TMEM132A: variants seen among roughly 807,000 people sequenced by gnomAD.
TMEM132A encodes the protein GRP78-binding protein.
Under a neutral mutation model 69.9 loss-of-function variants are expected in TMEM132A, and 48 were observed. The ratio of observed to expected loss-of-function variants is 0.69; its 90% CI spans 0.55 to 0.87. The LOEUF is 0.87. Ranked by LOEUF, TMEM132A falls within the 40% of genes least tolerant of loss-of-function variation. The pLI, the probability that TMEM132A is intolerant of heterozygous loss-of-function variation, is 0.00. For synonymous variants in TMEM132A, 577 were observed against 613.7 expected, an observed-to-expected ratio of 0.94 and a Z score of 0.88; for missense variants, 1,287 against 1,407.2, an observed-to-expected ratio of 0.91 and a Z score of 1.37.
intron 7 of TMEM132A, chr11:60,932,714 A>G (rs1349638447): frequency 6.6e-6 from 1 of 152,228 alleles, no homozygotes; most frequent in Non-Finnish European, 1.5e-5. Context: ...TCTATCTTGA[A>G]GTTCTAAGAG....
rs766999372 is a variant in TMEM132A, at chr11:60,927,793, C to T, written c.468C>T (p.Ser156=). The T allele has an allele frequency of 1.9e-6, 3 of 1,612,688 alleles. No homozygotes were observed. The highest frequency in any genetic ancestry group is 4.5e-5 in the East Asian group (2 of 44,882). The change falls in exon 3 of 11, where the codon AGC becomes AGT. Residue 156 remains serine, a synonymous_variant. Transcript: ENST00000453848. ...KGQDWPPGSG[S]LPCARLHATH... ...AGGATTGGCCACCAGGGTCTGGCAG[C>T]CTGCCCTGTGCCCGGCTCCATGCCA...
Position 60,927,801 on chromosome 11 carries a change from G to A in TMEM132A, c.476G>A (p.Cys159Tyr), listed in dbSNP as rs754114057. The stretch of plus-strand genomic sequence containing the variant: ...CCACCAGGGTCTGGCAGCCTGCCCT[G>A]TGCCCGGCTCCATGCCACACACCCT... ...DWPPGSGSLPCARLHATHPAG... is the reference protein window; with the variant it reads ...DWPPGSGSLPYARLHATHPAG... The change falls in exon 3 of 11, where the codon TGT becomes TAT. Residue 159 changes from cysteine to tyrosine, a missense_variant. By Grantham distance (194) the Cys-to-Tyr change is radical. Transcript: ENST00000453848. 5.0e-6 allele frequency: 8 copies of A among 1,612,462 alleles called. No individual in the cohort carries two copies. Among genetic ancestry groups the A allele is most frequent in the East Asian group, 2.2e-5 (1 of 44,878 alleles).
Position 60,933,590 on chromosome 11 carries a change from G to C in TMEM132A, c.1405G>C (p.Gly469Arg). ...GTTCGTGGCTGGCAAGGAGAGCCGG[G>C]GCGCCCGGGGGGTGCGAGTGGACTT... ...AVFVAGKESR[G>R]ARGVRVDFWW... is the part of the protein sequence containing the mutation. Residue 469 changes from glycine to arginine, a missense_variant, in exon 8 of 11, where the codon GGC becomes CGC. Coordinates refer to ENST00000453848, the MANE Select transcript of TMEM132A (RefSeq NM_178031.3). 1 of 1,607,522 alleles carries C rather than the reference G, an allele frequency of 6.2e-7. No homozygotes were observed. The highest frequency in any genetic ancestry group is 2.2e-5 in the East Asian group (1 of 44,852).
Position 60,935,251 on chromosome 11 carries a change from G to C in TMEM132A, c.1837-1G>C, listed in dbSNP as rs1157743659. 6.2e-7 allele frequency: 1 copy of C among 1,605,136 alleles called. No individual in the cohort carries two copies. Among genetic ancestry groups the C allele is most frequent in the Non-Finnish European group, 8.5e-7 (1 of 1,176,714 alleles). On this transcript the variant is annotated splice_acceptor_variant, in intron 9 of 10. Coordinates refer to ENST00000453848, the MANE Select transcript of TMEM132A (RefSeq NM_178031.3). LOFTEE classifies it high-confidence loss of function. This position sits in a 1 kb window ranked among gnomAD's most constrained non-coding sequence, Gnocchi z 5.0. ...CACCTCCAGCTCCTTTCCACCCTCA[G>C]GTGCGTTCCCCACTGTCTGACTCCA...
At chr11:60,927,546 C>A in intron 2 of TMEM132A, 95 bp from the exon 3 acceptor site, 2 of 1,421,576 alleles carry the variant, frequency 1.4e-6, no homozygotes, top group South Asian at 1.3e-5. Context: ...AACTGAGGCC[C>A]ATAAAGGTTC....
chr11:60,924,631 A>G lies in TMEM132A; in HGVS notation c.-3A>G. On this transcript the variant is annotated 5_prime_UTR_variant, in exon 1 of 11. Coordinates refer to ENST00000453848, the MANE Select transcript of TMEM132A (RefSeq NM_178031.3). ...CGCCTCGTCCCCGCCTTCTGTGGGA[A>G]GGATGTGCGCGCGGATGGCCGGTCG... 1 of 1,591,354 alleles carries G rather than the reference A, an allele frequency of 6.3e-7. No homozygotes were observed. Among genetic ancestry groups the G allele is most frequent in the African/African-American group, 1.4e-5 (1 of 73,864 alleles).
At chr11:60,934,963 A>C (rs2134910591) in intron 9 of TMEM132A, among the ~76,000 whole-genome samples, 199 bp downstream of exon 9, 1 of 152,226 alleles carries the variant, frequency 6.6e-6, no homozygotes, top group East Asian at 1.9e-4. Flanking sequence ...TCTAGCTATG[A>C]AGGGCTGAGG....
At chr11:60,931,084 G>A (rs1856470780) in intron 5 of TMEM132A, among the ~76,000 whole-genome samples, 2 of 152,332 alleles carry the variant, frequency 1.3e-5, no homozygotes, top group South Asian at 4.1e-4. Context: ...CATGGACTCA[G>A]TAGCCCCAGT....
intron 4 of TMEM132A, 101 bp from the exon 5 acceptor site, chr11:60,930,409 C>A: frequency 7.3e-7 from 1 of 1,368,012 alleles, no homozygotes; most frequent in Non-Finnish European, 9.8e-7. Context: ...CAGACTGGAG[C>A]CAGGGAGGTC....
chr11:60,936,773 C>A lies in TMEM132A; in HGVS notation c.2938C>A (p.Pro980Thr), dbSNP rs368469604. ...CCCTCCAGCCCAGTCACCTGAGGAG[C>A]CTGTAGGGGCCCCTGCTGTGCAGTC... ...PAPPAQSPEE[P>T]VGAPAVQSIL... The change falls in exon 11 of 11, where the codon CCT becomes ACT. Residue 980 changes from proline (P) to threonine (T), a missense_variant. By Grantham distance (38) the Pro-to-Thr change is conservative. Coordinates refer to ENST00000453848, the MANE Select transcript of TMEM132A (RefSeq NM_178031.3). 6 of 1,612,802 alleles carry A rather than the reference C, an allele frequency of 3.7e-6. No homozygotes were observed. Among genetic ancestry groups the A allele is most frequent in the Non-Finnish European group, 5.1e-6 (6 of 1,179,540 alleles).
In TMEM132A at chr11:60,936,509, C is replaced by G; in HGVS notation, c.2674C>G (p.Pro892Ala). 1.2e-6 allele frequency: 2 copies of G among 1,614,016 alleles called. No individual in the cohort carries two copies. The highest frequency in any genetic ancestry group is 1.7e-6 in the Non-Finnish European group (2 of 1,180,012). Residue 892 changes from proline (P) to alanine (A), a missense_variant, in exon 11 of 11, where the codon CCC (proline) becomes GCC (alanine). Coordinates refer to ENST00000453848, the MANE Select transcript of TMEM132A (RefSeq NM_178031.3). ...DSATDPTSPQ[P>A]HNWVWLGTDQ... ...TGCCACTGACCCCACCTCCCCCCAG[C>G]CCCACAACTGGGTCTGGCTGGGCAC...
intron 4 of TMEM132A, among the ~76,000 whole-genome samples, chr11:60,930,164 T>G (rs182314284): frequency 3.3e-5 from 5 of 152,236 alleles, no homozygotes; most frequent in Non-Finnish European, 1.5e-5. Flanking sequence ...GAGTCACGAA[T>G]GGGTGCCGTG....
chr11:60,936,320 G>T lies in TMEM132A; in HGVS notation c.2485G>T (p.Glu829Ter). Residue 829 changes from glutamate (E) to a stop codon, truncating the protein, a stop_gained, in exon 11 of 11, where the codon GAG becomes TAG. Transcript: ENST00000453848. LOFTEE classifies it low-confidence loss of function (END_TRUNC). ...GGAGGAGACCGAAGCCAGGGAGGAGGAGGAGGAAGAGGAGGAGGAGATGGT... is the reference window on the plus strand; with the variant it reads ...GGAGGAGACCGAAGCCAGGGAGGAGTAGGAGGAAGAGGAGGAGGAGATGGT... ...RKEETEAREE[E>*]EEEEEEMVPA... The T allele has an allele frequency of 6.2e-7, 1 of 1,613,726 alleles. No individual in the cohort carries two copies. Among genetic ancestry groups the T allele is most frequent in the African/African-American group, 1.3e-5 (1 of 75,058 alleles).
In TMEM132A at chr11:60,927,931, G is replaced by A. The variant is rs1282126676; in HGVS notation, c.534+72G>A. ...AGCCAGGTGGTGGGCCCGCGGCAGAGAGGAAACCCCCACTCCTGGGAAGCG... is the reference window on the plus strand; with the variant it reads ...AGCCAGGTGGTGGGCCCGCGGCAGAAAGGAAACCCCCACTCCTGGGAAGCG... On this transcript the variant is annotated intron_variant, in intron 3 of 10. Coordinates refer to ENST00000453848, the MANE Select transcript of TMEM132A (RefSeq NM_178031.3). 2.2e-6 allele frequency: 3 copies of A among 1,375,626 alleles called. No homozygotes were observed. In the East Asian group the frequency reaches 7.3e-5, roughly 33 times the overall value. The allele number at this position is 1,375,626 out of a possible 1,614,324, so 85.2% of individuals were successfully genotyped here.
In TMEM132A at chr11:60,926,929, G is replaced by A. The variant is rs189056785; in HGVS notation, c.101-275G>A. 1.0e-3 allele frequency: 545 copies of A among 535,288 alleles called. 1 individual carries two copies. The highest frequency in any genetic ancestry group is 1.4e-3 in the Non-Finnish European group (412 of 295,816). 33.2% of individuals were successfully genotyped at this position (535,288 alleles called of 1,614,324 possible). ...AGGAGACATTGAGAAGGCTGTTGGCGAGAAGAAGGCCAAGGTCTGTGGAAA... is the reference window on the plus strand; with the variant it reads ...AGGAGACATTGAGAAGGCTGTTGGCAAGAAGAAGGCCAAGGTCTGTGGAAA... On this transcript the variant is annotated intron_variant, in intron 1 of 10. Coordinates refer to ENST00000453848, the MANE Select transcript of TMEM132A (RefSeq NM_178031.3).
In TMEM132A at chr11:60,928,784, G is replaced by C; in HGVS notation, c.690G>C (p.Gln230His). 6.2e-7 allele frequency: 1 copy of C among 1,610,232 alleles called. No individual in the cohort carries two copies. The highest frequency in any genetic ancestry group is 8.5e-7 in the Non-Finnish European group (1 of 1,179,076). ...GCGAGGAGAACGACCCTGGGGAGCA[G>C]GCCCTCCCAGTGGGGGGTGTGGAGC... ...GSGEENDPGE[Q>H]ALPVGGVELR... The change falls in exon 4 of 11, where the codon CAG becomes CAC. Residue 230 changes from glutamine (Q) to histidine (H), a missense_variant. Gln to His is a conservative substitution (Grantham distance 24, BLOSUM62 0). Transcript: ENST00000453848.
chr11:60,933,904 A>AT, intron 8 of TMEM132A, 160 bp downstream of exon 8: 1 of 647,706 alleles, frequency 1.5e-6, no homozygotes, highest in Non-Finnish European at 2.6e-6. Flanking sequence ...CCAGCCAATG[A>AT]TCGCTTTCTG....
rs1243738943 is a variant in TMEM132A, at chr11:60,933,738, C to G, written c.1553C>G (p.Ala518Gly). Residue 518 changes from alanine (A) to glycine (G), a missense_variant, in exon 8 of 11, where the codon GCT (alanine) becomes GGT (glycine). Transcript: ENST00000453848. ...QVRGWRVPGP[A>G]EGPAEPAAEA... ...CGCGGCTGGAGGGTACCTGGCCCTG[C>G]TGAAGGGTGAGTGGAGGCCTGAGGA... 2.5e-6 allele frequency: 4 copies of G among 1,573,612 alleles called. No individual in the cohort carries two copies. Among genetic ancestry groups the G allele is most frequent in the Non-Finnish European group, 3.4e-6 (4 of 1,160,918 alleles).
chr11:60,933,872 GCCCACCTCCA>G (rs1856534238), intron 8 of TMEM132A, 128 bp downstream of exon 8: 1 of 859,636 alleles, frequency 1.2e-6, no homozygotes, highest in East Asian at 2.7e-5. Flanking sequence ...AGTTCCTTCT[GCCCACCTCCA>G]CCCTGGGCCG....
Sources: allele counts gnomAD v4.1 joint callset (sites outside exome capture counted in the v4.1 genomes callset), GRCh38; gene constraint gnomAD v4.1.1; non-coding constraint Gnocchi (gnomAD v3.1); transcripts MANE v1.5; gene names NCBI Gene and HGNC (gene_info 2026-07-23, HGNC 2026-07-21).